Variants in GPC5 observed in about 807,000 individuals in gnomAD.
The protein encoded by GPC5 is glypican 5.
GPC5 carries 47 observed loss-of-function variants against 53.9 expected under a neutral mutation model. The ratio of observed to expected loss-of-function variants is 0.87; its 90% CI spans 0.69 to 1.11. The LOEUF (loss-of-function observed/expected upper bound fraction) is 1.11, where lower values mean the gene tolerates loss of function less well. Among genes scored for constraint, GPC5 ranks in the 50% most tolerant of loss-of-function variants. The pLI is 0.00. For synonymous variants in GPC5, 286 were observed against 263.3 expected (o/e 1.09, Z -0.84); for missense variants, 748 against 713.1 (o/e 1.05, Z -0.56).
chr13:92,492,943 A>G (rs958342054), intron 7 of GPC5, among the ~76,000 whole-genome samples: 1 of 152,168 alleles, frequency 6.6e-6, no homozygotes, highest in Non-Finnish European at 1.5e-5. Flanking sequence ...GGAACAAAGC[A>G]GCCTCACCCT....
chr13:92,507,272 A>G (rs1880406558), intron 7 of GPC5, among the ~76,000 whole-genome samples: 1 of 152,190 alleles, frequency 6.6e-6, no homozygotes, highest in Admixed American at 6.5e-5. Flanking sequence ...TTACAGCATC[A>G]CAAGGAATTT....
intron 7 of GPC5, among the ~76,000 whole-genome samples, chr13:92,168,725 C>A (rs1593955251): frequency 6.6e-6 from 1 of 152,182 alleles, no homozygotes; most frequent in Admixed American, 6.5e-5. Flanking sequence ...TGCTTTTACA[C>A]TGTTGGTGGC....
chr13:91,563,422 C>T (rs1430183648), intron 2 of GPC5, among the ~76,000 whole-genome samples: 1 of 151,986 alleles, frequency 6.6e-6, no homozygotes, highest in Non-Finnish European at 1.5e-5. Flanking sequence ...AAAATGAAAA[C>T]GGTTTTAGAT....
intron 7 of GPC5, among the ~76,000 whole-genome samples, chr13:92,742,242 A>T (rs1889119219): frequency 1.3e-5 from 2 of 150,994 alleles, no homozygotes; most frequent in African/African-American, 4.9e-5. Context: ...CCTCTCCAGC[A>T]CCTGTTGTTT....
intron 7 of GPC5, among the ~76,000 whole-genome samples, chr13:92,798,874 T>C (rs1031433256): frequency 4.0e-5 from 6 of 151,892 alleles, no homozygotes; most frequent in African/African-American, 1.4e-4. Flanking sequence ...ACTCTAAATG[T>C]AGTTTTATGA....
At chr13:92,435,722 G>T (rs1254488729) in intron 7 of GPC5, among the ~76,000 whole-genome samples, 1 of 152,110 alleles carries the variant, frequency 6.6e-6, no homozygotes, top group Non-Finnish European at 1.5e-5. Flanking sequence ...CCATTATTCT[G>T]GTCAACCAAC....
intron 5 of GPC5, among the ~76,000 whole-genome samples, chr13:91,818,770 C>G (rs1340475170): frequency 2.0e-5 from 3 of 152,100 alleles, no homozygotes; most frequent in Non-Finnish European, 4.4e-5. Flanking sequence ...AAAACCGTAA[C>G]AAGACAAAGC....
chr13:92,662,390 C>T (rs1044744238), intron 7 of GPC5, among the ~76,000 whole-genome samples: 1 of 152,128 alleles, frequency 6.6e-6, no homozygotes, highest in African/African-American at 2.4e-5. Flanking sequence ...AAATACTGTT[C>T]CTGCATTTAG....
At chr13:91,547,374 C>G (rs1055631134) in intron 2 of GPC5, among the ~76,000 whole-genome samples, 1 of 151,964 alleles carries the variant, frequency 6.6e-6, no homozygotes, top group African/African-American at 2.4e-5. Context: ...ATACTACGAG[C>G]AATTCTATGC....
At chr13:92,440,262 C>T (rs577112562) in intron 7 of GPC5, among the ~76,000 whole-genome samples, 2 of 152,150 alleles carry the variant, frequency 1.3e-5, no homozygotes, top group East Asian at 3.9e-4. Flanking sequence ...CCTCTCTCTC[C>T]ATTGTAGTAG....
intron 1 of GPC5, among the ~76,000 whole-genome samples, chr13:91,403,171 G>A (rs910643380): frequency 3.9e-5 from 6 of 152,212 alleles, no homozygotes; most frequent in African/African-American, 1.4e-4. Context: ...CCAGAATTGG[G>A]ACCCGTCGTC....
chr13:91,699,769 T>C (rs2035955592), intron 3 of GPC5, among the ~76,000 whole-genome samples: 1 of 152,148 alleles, frequency 6.6e-6, no homozygotes, highest in Admixed American at 6.5e-5. Flanking sequence ...CACAGGAGGG[T>C]TATCTATTCT....
chr13:91,580,091 C>T (rs777090918), intron 2 of GPC5, among the ~76,000 whole-genome samples: 1 of 152,180 alleles, frequency 6.6e-6, no homozygotes, highest in Non-Finnish European at 1.5e-5. Flanking sequence ...TGCTCTGTCA[C>T]CCAGGCTGGA....
At chr13:92,383,561 T>C (rs2043767960) in intron 7 of GPC5, among the ~76,000 whole-genome samples, 1 of 152,198 alleles carries the variant, frequency 6.6e-6, no homozygotes, top group Non-Finnish European at 1.5e-5. Context: ...TGGACTCTTC[T>C]TGCATTCTTT....
chr13:91,969,863 G>A (rs2040224545), intron 6 of GPC5, among the ~76,000 whole-genome samples: 1 of 152,062 alleles, frequency 6.6e-6, no homozygotes, highest in Non-Finnish European at 1.5e-5. Flanking sequence ...ACAAAAAAAG[G>A]ATTACAAGTG....
intron 7 of GPC5, among the ~76,000 whole-genome samples, chr13:92,771,320 A>C (rs1446531601): frequency 1.3e-5 from 2 of 151,826 alleles, no homozygotes; most frequent in East Asian, 3.9e-4. Context: ...GGCCTACTCT[A>C]TTTTTCAAAA....
At chr13:91,601,936 G>A (rs780414106) in intron 2 of GPC5, among the ~76,000 whole-genome samples, 8 of 152,192 alleles carry the variant, frequency 5.3e-5, no homozygotes, top group Non-Finnish European at 8.8e-5. Context: ...CAAAAAGGTT[G>A]AGGAGTGCTG....
At chr13:92,008,497 T>C (rs1017836856) in intron 6 of GPC5, among the ~76,000 whole-genome samples, 1 of 152,034 alleles carries the variant, frequency 6.6e-6, no homozygotes, top group African/African-American at 2.4e-5. Flanking sequence ...TTTAGTGCTG[T>C]TTGTTGGCAG....
chr13:91,817,816 CT>C (rs2038423555), intron 5 of GPC5, among the ~76,000 whole-genome samples: 1 of 152,166 alleles, frequency 6.6e-6, no homozygotes, highest in African/African-American at 2.4e-5. Flanking sequence ...TTCAACATAT[CT>C]TATGTGATAA....
Sources: gnomAD v4.1 joint callset for allele counts (sites outside exome capture counted in the v4.1 genomes callset) on GRCh38, gnomAD v4.1.1 for gene constraint, MANE v1.5 for transcripts, NCBI Gene and HGNC (gene_info 2026-07-23, HGNC 2026-07-21) for gene names.